The following INSR variants were observed in gnomAD, a reference collection of about 807,000 sequenced individuals.
INSR encodes the protein IR.
A neutral mutation model predicts 142.6 loss-of-function variants in INSR; 67 were observed. The ratio of observed to expected loss-of-function variants is 0.47; its 90% CI spans 0.39 to 0.58. The LOEUF (loss-of-function observed/expected upper bound fraction) is 0.58, where lower values mean the gene tolerates loss of function less well. Among genes scored for constraint, INSR ranks in the 20% least tolerant of loss-of-function variants. The pLI is 0.00. For missense variants in INSR, 1,248 were observed against 1,833.2 expected, an observed-to-expected ratio of 0.68 and a Z score of 5.83; for synonymous variants, 756 against 743.1, an observed-to-expected ratio of 1.02 and a Z score of -0.28.
At chr19:7,141,882 T>C in intron 12 of INSR, 66 bp from the exon 13 acceptor site, 1 of 1,324,850 alleles carries the variant, frequency 7.5e-7, no homozygotes, top group Non-Finnish European at 1.1e-6. Flanking sequence ...CTGCCACCTG[T>C]CCATGGTGCA....
At chr19:7,231,295 GTTTTT>G (rs59830751) in intron 2 of INSR, among the ~76,000 whole-genome samples, 2 of 135,002 alleles carry the variant, frequency 1.5e-5, no homozygotes, top group Non-Finnish European at 3.1e-5. Flanking sequence ...GGTGTTTTTT[GTTTTT>G]TTTTTTTTTT....
chr19:7,156,572 G>A lies in INSR; in HGVS notation c.2030-3645C>T, dbSNP rs573483377. ...GCTGCTGAGCACCCTGAAGTGCTCGGGACAGTCCCACCCCAGAGAATGATC... is the reference window on the plus strand; with the variant it reads ...GCTGCTGAGCACCCTGAAGTGCTCGAGACAGTCCCACCCCAGAGAATGATC... On this transcript the variant is annotated intron_variant, in intron 9 of 21. Coordinates refer to ENST00000302850, the MANE Select transcript of INSR (RefSeq NM_000208.4). Among the ~76,000 whole-genome samples, 242 of 152,076 alleles carry A rather than the reference G, an allele frequency of 1.6e-3. 1 individual carries two copies. Among genetic ancestry groups the A allele is most frequent in the African/African-American group, 5.0e-3 (208 of 41,484 alleles).
intron 2 of INSR, among the ~76,000 whole-genome samples, chr19:7,203,321 G>A (rs1407606749): frequency 2.6e-5 from 4 of 152,006 alleles, no homozygotes; most frequent in Non-Finnish European, 5.9e-5. Flanking sequence ...AAAACGCCTC[G>A]CGCCTTGAAT....
rs534681612 is a variant in INSR, at chr19:7,202,193, G to A, written c.653-17556C>T. Among the ~76,000 whole-genome samples, 6 of 152,244 alleles carry A rather than the reference G, an allele frequency of 3.9e-5. No homozygotes were observed. The South Asian group carries it at 6.2e-4, about 16-fold the overall frequency. ...AATGAATTTTTAATTTAATTTTCACGTGGGTTGTGGCCACCCTACTGAGCA... is the reference window on the plus strand; with the variant it reads ...AATGAATTTTTAATTTAATTTTCACATGGGTTGTGGCCACCCTACTGAGCA... On this transcript the variant is annotated intron_variant, in intron 2 of 21. Transcript: ENST00000302850.
chr19:7,199,681 G>A (rs1974899134), intron 2 of INSR, among the ~76,000 whole-genome samples: 1 of 150,902 alleles, frequency 6.6e-6, no homozygotes, highest in Non-Finnish European at 1.5e-5. Flanking sequence ...TCACAGGCGT[G>A]AGGAACCCAG....
At chr19:7,147,086 GA>G (rs1188273156) in intron 11 of INSR, among the ~76,000 whole-genome samples, 56 of 152,152 alleles carry the variant, frequency 3.7e-4, no homozygotes, top group African/African-American at 1.1e-3. Flanking sequence ...TAAGGTATGT[GA>G]TATTCACATT....
At chr19:7,222,149 C>A (rs971128094) in intron 2 of INSR, among the ~76,000 whole-genome samples, 165 of 76,214 alleles carry the variant, frequency 2.2e-3, no homozygotes, top group African/African-American at 8.7e-3. Context: ...AAAAAAAAAT[C>A]AGGAGTGACC....
rs185174125 is a variant in INSR at position 7,121,545 on chromosome 19, C to A, written c.3530-796G>T. Among the ~76,000 whole-genome samples, 212 of 152,160 alleles carry A rather than the reference C, an allele frequency of 1.4e-3. 2 individuals carry two copies. Among genetic ancestry groups the A allele is most frequent in the Admixed American group, 7.3e-3 (111 of 15,288 alleles). ...GCAGTGATGCTGTCACAGCTCACTG[C>A]AGCCTCCACCTCCTGGGCTCAAGCA... On this transcript the variant is annotated intron_variant, in intron 19 of 21. Coordinates refer to ENST00000302850, the MANE Select transcript of INSR (RefSeq NM_000208.4).
intron 14 of INSR, among the ~76,000 whole-genome samples, chr19:7,131,688 T>A (rs1045844959): frequency 2.8e-4 from 4 of 14,472 alleles, no homozygotes; most frequent in African/African-American, 8.8e-4. Context: ...CCTCTGAAAC[T>A]TTTTTTTTTT....
intron 21 of INSR, among the ~76,000 whole-genome samples, chr19:7,118,479 G>A (rs544518113): frequency 1.3e-5 from 2 of 151,918 alleles, no homozygotes; most frequent in South Asian, 2.1e-4. Context: ...GACCGCGCCT[G>A]GGTAATTTTT....
At chr19:7,199,059 A>G (rs974847648) in intron 2 of INSR, among the ~76,000 whole-genome samples, 2 of 151,234 alleles carry the variant, frequency 1.3e-5, no homozygotes, top group Admixed American at 6.6e-5. Context: ...AATTTTTTCT[A>G]TTTTTTTGTA....
chr19:7,183,263 GGTGTGTGTGTGTGTGTGT>G (rs71177167), intron 3 of INSR, among the ~76,000 whole-genome samples: 10 of 146,480 alleles, frequency 6.8e-5, no homozygotes, highest in African/African-American at 1.3e-4. Context: ...GTTGTTTTGT[GGTGTGTGTGTGTGTGTGT>G]GTGTGTGTGT....
chr19:7,117,830 C>G (rs1378009923), intron 21 of INSR, among the ~76,000 whole-genome samples: 1 of 151,624 alleles, frequency 6.6e-6, no homozygotes, highest in Non-Finnish European at 1.5e-5. Flanking sequence ...TGGCCTCAAA[C>G]TCCTAGGCTC....
chr19:7,153,737 C>T (rs968822027), intron 9 of INSR, among the ~76,000 whole-genome samples: 7 of 151,804 alleles, frequency 4.6e-5, no homozygotes, highest in African/African-American at 1.5e-4. Flanking sequence ...AAAATATAGC[C>T]GAGCACAGTG....
At chr19:7,240,618 C>A (rs552390489) in intron 2 of INSR, among the ~76,000 whole-genome samples, 3 of 152,036 alleles carry the variant, frequency 2.0e-5, no homozygotes, top group African/African-American at 7.2e-5. Flanking sequence ...TGAAGATAAC[C>A]CAAAATCCAA....
chr19:7,147,317 G>A (rs1283106154), intron 11 of INSR, among the ~76,000 whole-genome samples: 1 of 152,058 alleles, frequency 6.6e-6, no homozygotes, highest in Non-Finnish European at 1.5e-5. Context: ...TGGGACTACA[G>A]GCGCACGTTA....
chr19:7,198,120 G>C (rs567148235), intron 2 of INSR, among the ~76,000 whole-genome samples: 1 of 151,778 alleles, frequency 6.6e-6, no homozygotes, highest in South Asian at 2.1e-4. Context: ...TCAAGGCTCC[G>C]CCCCCTCGAG....
chr19:7,274,492 T>C (rs1208862329), intron 1 of INSR, among the ~76,000 whole-genome samples: 1 of 151,540 alleles, frequency 6.6e-6, no homozygotes, highest in African/African-American at 2.4e-5. Flanking sequence ...CGGAGGCTCA[T>C]TTTTCTTTAA....
At chr19:7,248,262 C>G (rs1976595303) in intron 2 of INSR, among the ~76,000 whole-genome samples, 1 of 151,028 alleles carries the variant, frequency 6.6e-6, no homozygotes, top group African/African-American at 2.4e-5. Flanking sequence ...CCTCCCACCT[C>G]AGTCCCCCAG....
Sources: allele counts gnomAD v4.1 joint callset (sites outside exome capture counted in the v4.1 genomes callset), GRCh38; gene constraint gnomAD v4.1.1; transcripts MANE v1.5; gene names NCBI Gene and HGNC (gene_info 2026-07-23, HGNC 2026-07-21).